Variants in RAB27B observed in about 807,000 individuals in gnomAD.
RAB27B encodes RAB27B, member RAS oncogene family.
Under a neutral mutation model 24.6 loss-of-function variants are expected in RAB27B, and 15 were observed. The observed-to-expected ratio is 0.61, with a 90% CI of 0.41 to 0.94. The LOEUF (loss-of-function observed/expected upper bound fraction) is 0.94. RAB27B is among the 40% of genes least tolerant of loss of function. The pLI is 0.00. For missense variants in RAB27B, 261 were observed against 266.8 expected (o/e 0.98, Z 0.15); for synonymous variants, 105 against 92.5 (o/e 1.14, Z -0.78).
intron 2 of RAB27B, among the ~76,000 whole-genome samples, chr18:54,742,139 G>C (rs954654983): frequency 6.6e-6 from 1 of 152,158 alleles, no homozygotes; most frequent in African/African-American, 2.4e-5. Flanking sequence ...TTTCTGATTA[G>C]GACAAATGAC....
intron 2 of RAB27B, among the ~76,000 whole-genome samples, chr18:54,750,599 A>T (rs1434580927): frequency 6.6e-6 from 1 of 152,212 alleles, no homozygotes; most frequent in Non-Finnish European, 1.5e-5. Flanking sequence ...GTTAGTAAGT[A>T]CTGTGGAAGC....
chr18:54,877,964 C>T (rs1409356690), intron 2 of RAB27B, among the ~76,000 whole-genome samples: 1 of 152,116 alleles, frequency 6.6e-6, no homozygotes. Flanking sequence ...GTGTACAAGG[C>T]AACCCAAATC....
intron 2 of RAB27B, among the ~76,000 whole-genome samples, chr18:54,721,257 A>C (rs528960156): frequency 4.6e-5 from 7 of 152,194 alleles, no homozygotes; most frequent in Non-Finnish European, 8.8e-5. Flanking sequence ...TTTATCCAAA[A>C]CATTGCTTTA....
intron 2 of RAB27B, among the ~76,000 whole-genome samples, chr18:54,816,887 A>C (rs575880930): frequency 3.3e-5 from 5 of 152,298 alleles, no homozygotes; most frequent in Admixed American, 6.5e-5. Context: ...AATGTGAAGG[A>C]GTTGTCCTTT....
intron 2 of RAB27B, among the ~76,000 whole-genome samples, chr18:54,729,701 C>A (rs1262791104): frequency 6.6e-6 from 1 of 151,936 alleles, no homozygotes; most frequent in Non-Finnish European, 1.5e-5. Flanking sequence ...TAAAAACAAG[C>A]AAAACAACAA....
At chr18:54,818,005 G>A (rs1400586578) in intron 2 of RAB27B, among the ~76,000 whole-genome samples, 2 of 152,086 alleles carry the variant, frequency 1.3e-5, no homozygotes, top group Admixed American at 6.6e-5. Flanking sequence ...CATTGAAGTC[G>A]AAGTTGGTTA....
At chr18:54,753,578 T>C (rs1218488807) in intron 2 of RAB27B, among the ~76,000 whole-genome samples, 1 of 152,220 alleles carries the variant, frequency 6.6e-6, no homozygotes, top group Admixed American at 6.5e-5. Context: ...CCAGTCCTCG[T>C]GTAAATCAAG....
At chr18:54,832,336 C>T (rs1048754215) in intron 1 of RAB27B, among the ~76,000 whole-genome samples, 3 of 152,158 alleles carry the variant, frequency 2.0e-5, no homozygotes, top group African/African-American at 7.2e-5. Context: ...AGGATTCCTA[C>T]TGAAGACACT....
At chr18:54,747,734 A>C (rs1206335221) in intron 2 of RAB27B, among the ~76,000 whole-genome samples, 1 of 152,174 alleles carries the variant, frequency 6.6e-6, no homozygotes, top group Non-Finnish European at 1.5e-5. Flanking sequence ...AGCCAATGTT[A>C]GTTATTAAAT....
At chr18:54,815,667 C>CTTGT (rs1910099015) in intron 2 of RAB27B, among the ~76,000 whole-genome samples, 1 of 152,152 alleles carries the variant, frequency 6.6e-6, no homozygotes, top group Non-Finnish European at 1.5e-5. Flanking sequence ...TAATAATTTG[C>CTTGT]TATTAAAGTC....
chr18:54,728,923 AC>A (rs1555651004), intron 2 of RAB27B, among the ~76,000 whole-genome samples: 8 of 144,582 alleles, frequency 5.5e-5, no homozygotes, highest in Non-Finnish European at 7.5e-5. Flanking sequence ...AAAAAAAAAA[AC>A]CACCACCAAA....
chr18:54,794,336 A>G (rs1396732468), intron 2 of RAB27B, among the ~76,000 whole-genome samples: 4 of 152,332 alleles, frequency 2.6e-5, no homozygotes, highest in Middle Eastern at 3.4e-3. Context: ...TATTTTTCTG[A>G]GTGTCATTAT....
intron 3 of RAB27B, among the ~76,000 whole-genome samples, chr18:54,882,407 T>G (rs1912961502): frequency 6.6e-6 from 1 of 152,182 alleles, no homozygotes; most frequent in African/African-American, 2.4e-5. Context: ...CCCTTAGAGC[T>G]TACAGTCTAG....
intron 2 of RAB27B, among the ~76,000 whole-genome samples, chr18:54,720,879 C>A (rs1207892986): frequency 6.6e-6 from 1 of 152,010 alleles, no homozygotes; most frequent in African/African-American, 2.4e-5. Flanking sequence ...ACACATGCCA[C>A]AATAAATAGG....
At chr18:54,871,479 A>G (rs1912461842) in intron 1 of RAB27B, among the ~76,000 whole-genome samples, 1 of 152,236 alleles carries the variant, frequency 6.6e-6, no homozygotes, top group East Asian at 1.9e-4. Context: ...ATGAGGAAAT[A>G]TTAAACATCT....
intron 1 of RAB27B, among the ~76,000 whole-genome samples, chr18:54,846,363 T>C (rs995498686): frequency 5.9e-5 from 9 of 152,378 alleles, no homozygotes; most frequent in African/African-American, 2.2e-4. Flanking sequence ...TTTCCTCTAA[T>C]AACAATGGCT....
intron 5 of RAB27B, 76 bp downstream of exon 5, chr18:54,888,194 T>C (rs1270920194): frequency 6.6e-6 from 10 of 1,516,268 alleles, no homozygotes; most frequent in East Asian, 4.6e-5. Context: ...ATTAGATTGA[T>C]ATTAGAAGAA....
intron 1 of RAB27B, among the ~76,000 whole-genome samples, chr18:54,844,599 G>T (rs912162647): frequency 6.6e-6 from 1 of 151,648 alleles, no homozygotes; most frequent in East Asian, 1.9e-4. Flanking sequence ...TAGAAATGGG[G>T]TTTCACCATG....
At position 54,835,058 on chromosome 18, in the gene RAB27B, T is replaced by C. The variant is rs1910841899; in HGVS notation, c.-20+6358T>C. On this transcript the variant is annotated intron_variant, in intron 1 of 5. Transcript: ENST00000262094. ...CCTGAGAAGTTCATTAAATGAATTA[T>C]TCAGTTCTTATGGTCTATTATTCAA... is the stretch of plus-strand genomic sequence containing the variant. Among the ~76,000 whole-genome samples, 5 of 151,986 alleles carry C rather than the reference T, an allele frequency of 3.3e-5. 1 individual carries two copies. The highest frequency in any genetic ancestry group is 1.2e-4 in the African/African-American group (5 of 41,282).
Sources: gnomAD v4.1 joint callset for allele counts (sites outside exome capture counted in the v4.1 genomes callset) on GRCh38, gnomAD v4.1.1 for gene constraint, MANE v1.5 for transcripts, NCBI Gene and HGNC (gene_info 2026-07-23, HGNC 2026-07-21) for gene names.